Variants in VIPR2 observed in about 807,000 individuals in gnomAD.
The protein encoded by VIPR2 is vasoactive intestinal peptide receptor 2.
Under a neutral mutation model 58.0 loss-of-function variants are expected in VIPR2, and 48 were observed. That is an observed-to-expected ratio of 0.83 (90% CI 0.66 to 1.05). The LOEUF (loss-of-function observed/expected upper bound fraction) is 1.05. VIPR2 is among the 50% of genes least tolerant of loss of function. The probability of loss-of-function intolerance (pLI) is 0.00; values close to 1 mark genes in which losing one functional copy is unlikely to be tolerated. For missense variants in VIPR2, 534 were observed against 558.0 expected (o/e 0.96, Z 0.43); for synonymous variants, 243 against 235.2 (o/e 1.03, Z -0.30).
chr7:159,057,492 T>C (rs1855390290), intron 5 of VIPR2, among the ~76,000 whole-genome samples: 3 of 152,224 alleles, frequency 2.0e-5, no homozygotes. Context: ...CAACCACTCC[T>C]AACTTGTTTA....
intron 2 of VIPR2, among the ~76,000 whole-genome samples, chr7:159,122,650 C>T (rs1796498316): frequency 6.6e-6 from 1 of 152,206 alleles, no homozygotes; most frequent in Non-Finnish European, 1.5e-5. Flanking sequence ...GTCTTTGTGT[C>T]TTCTCTGGAA....
Position 159,128,085 on chromosome 7 carries a change from G to A in VIPR2, c.151+14361C>T, listed in dbSNP as rs1796721489. ...TGGGTCTCGGCAGGAATGGAGCCAG[G>A]TGAGGACACCTGGTAGTGGTCTCTC... On this transcript the variant is annotated intron_variant, in intron 2 of 12. Coordinates refer to ENST00000262178, the MANE Select transcript of VIPR2 (RefSeq NM_003382.5). This position sits in a 1 kb window ranked among gnomAD's most constrained non-coding sequence, Gnocchi z 4.1. Among the ~76,000 whole-genome samples the A allele has an allele frequency of 6.6e-6, 1 of 152,180 alleles. No individual in the cohort carries two copies. The highest frequency in any genetic ancestry group is 2.4e-5 in the African/African-American group (1 of 41,458).
intron 4 of VIPR2, among the ~76,000 whole-genome samples, chr7:159,088,331 C>A (rs115022047): frequency 0.012 from 1,892 of 152,210 alleles, 38 homozygotes; most frequent in African/African-American, 0.043. Context: ...ACACCACAAT[C>A]ATGCTGCAGC....
chr7:159,029,422 G>C lies in VIPR2; in HGVS notation c.*1194C>G, dbSNP rs1257703166. On this transcript the variant is annotated 3_prime_UTR_variant, in exon 13 of 13. Coordinates refer to ENST00000262178, the MANE Select transcript of VIPR2 (RefSeq NM_003382.5). Reference sequence around the variant, plus strand: ...CACATCTGCAAACCACCCTTCGCCTGAAGGAGCAGCCGCTAGGGCTGCTGA... The same window carrying C: ...CACATCTGCAAACCACCCTTCGCCTCAAGGAGCAGCCGCTAGGGCTGCTGA... 1.3e-5 allele frequency: 2 copies of C among 152,302 alleles called. No homozygotes were observed. The highest frequency in any genetic ancestry group is 4.8e-5 in the African/African-American group (2 of 41,476). The allele number at this position is 152,302 out of a possible 1,614,324, so 9.4% of individuals were successfully genotyped here.
intron 3 of VIPR2, 60 bp downstream of exon 3, chr7:159,109,752 A>T (rs1795916957): frequency 6.7e-7 from 1 of 1,503,230 alleles, no homozygotes; most frequent in Non-Finnish European, 9.3e-7. Flanking sequence ...GGATGGAAAA[A>T]ATGGACGCTC....
chr7:159,069,779 C>T (rs10447497), intron 4 of VIPR2, among the ~76,000 whole-genome samples: 26,347 of 151,836 alleles, frequency 0.17, 3,329 homozygotes, highest in African/African-American at 0.36. Context: ...TTTTAGAGTA[C>T]CTTGTTTCTG....
intron 5 of VIPR2, among the ~76,000 whole-genome samples, chr7:159,057,566 A>G (rs2129493971): frequency 6.6e-6 from 1 of 152,308 alleles, no homozygotes; most frequent in South Asian, 2.1e-4. Flanking sequence ...TATTCCATTT[A>G]TCATTGATTT....
chr7:159,058,628 AGAC>A, intron 4 of VIPR2, 50 bp from the exon 5 acceptor site: 1 of 1,342,472 alleles, frequency 7.4e-7, no homozygotes, highest in East Asian at 2.3e-5. Flanking sequence ...CAGCAACACC[AGAC>A]AACAGGAATG....
rs998971544 is a variant in VIPR2 at position 159,096,373 on chromosome 7, C to T, written c.357+7384G>A. On this transcript the variant is annotated intron_variant, in intron 4 of 12. Transcript: ENST00000262178. This position sits in a 1 kb window ranked among gnomAD's most constrained non-coding sequence, Gnocchi z 5.5. ...CAGCTCCATGCCCAGAAGCGCCTGG[C>T]GCACCGCTGTGTTTCCTACAGGTCC... is the stretch of plus-strand genomic sequence containing the variant. 3.9e-5 allele frequency among the ~76,000 whole-genome samples: 6 copies of T among 152,200 alleles called. No homozygotes were observed. The highest frequency in any genetic ancestry group is 2.0e-4 in the Admixed American group (3 of 15,284).
intron 4 of VIPR2, among the ~76,000 whole-genome samples, chr7:159,100,637 C>A (rs539514759): frequency 1.3e-5 from 2 of 152,384 alleles, no homozygotes; most frequent in East Asian, 3.9e-4. Flanking sequence ...CCCATAATTC[C>A]GACATGTGGG....
At chr7:159,125,911 C>A (rs1178655613) in intron 2 of VIPR2, among the ~76,000 whole-genome samples, 1 of 152,312 alleles carries the variant, frequency 6.6e-6, no homozygotes, top group East Asian at 1.9e-4. Flanking sequence ...CCTGCCTACC[C>A]CTTCAGGGAG....
intron 4 of VIPR2, among the ~76,000 whole-genome samples, chr7:159,070,973 C>T (rs1856358841): frequency 6.6e-6 from 1 of 152,216 alleles, no homozygotes; most frequent in African/African-American, 2.4e-5. Flanking sequence ...CGCCCACAGA[C>T]TGGCTGACTG....
At chr7:159,094,683 A>T (rs549036466) in intron 4 of VIPR2, among the ~76,000 whole-genome samples, 1 of 152,342 alleles carries the variant, frequency 6.6e-6, no homozygotes, top group South Asian at 2.1e-4. Context: ...TCCTGCGTGT[A>T]CACGGCTGTG....
intron 2 of VIPR2, among the ~76,000 whole-genome samples, chr7:159,111,830 G>C (rs989593562): frequency 6.6e-6 from 1 of 152,108 alleles, no homozygotes; most frequent in Admixed American, 6.5e-5. Flanking sequence ...GCAACATAGC[G>C]AGACCCCATC....
At chr7:159,120,269 C>T (rs1209488996) in intron 2 of VIPR2, among the ~76,000 whole-genome samples, 1 of 152,220 alleles carries the variant, frequency 6.6e-6, no homozygotes, top group South Asian at 2.1e-4. Flanking sequence ...TAAGGAGCAG[C>T]CTTCTACCAG....
In VIPR2 at chr7:159,128,647, C is replaced by T. The variant is rs1031197184; in HGVS notation, c.151+13799G>A. On this transcript the variant is annotated intron_variant, in intron 2 of 12. Coordinates refer to ENST00000262178, the MANE Select transcript of VIPR2 (RefSeq NM_003382.5). This position sits in a 1 kb window ranked among gnomAD's most constrained non-coding sequence, Gnocchi z 4.1. The stretch of plus-strand genomic sequence containing the variant: ...TGGGTCCTGCCCTTCCCACACTTAC[C>T]ACGAGGGCATCTCCATCTCCCACCT... Among the ~76,000 whole-genome samples, 1 of 152,200 alleles carries T rather than the reference C, an allele frequency of 6.6e-6. No individual in the cohort carries two copies. The highest frequency in any genetic ancestry group is 1.5e-5 in the Non-Finnish European group (1 of 68,036).
At chr7:159,032,249 T>C (rs920848800) in intron 10 of VIPR2, among the ~76,000 whole-genome samples, 182 bp from the exon 11 acceptor site, 3 of 152,228 alleles carry the variant, frequency 2.0e-5, no homozygotes, top group Admixed American at 6.5e-5. Context: ...CTGAGGCCCC[T>C]GTGCATATCT....
chr7:159,062,323 C>T (rs1855732057), intron 4 of VIPR2, among the ~76,000 whole-genome samples: 1 of 152,144 alleles, frequency 6.6e-6, no homozygotes, highest in African/African-American at 2.4e-5. Context: ...GGTTTTTGGT[C>T]TCACTGACTT....
rs546977986 is a variant in VIPR2, at chr7:159,031,748, G to T, written c.1143+80C>A. ...GCCCGCGGAAGACAGGCATGTGTGG[G>T]GGCTGCGGCACCAGGCTGGGCAGCA... On this transcript the variant is annotated intron_variant, in intron 12 of 12. Transcript: ENST00000262178. The surrounding 1 kb of genome is among the most constrained non-coding windows in gnomAD (Gnocchi z 4.0). 1 of 1,609,398 alleles carries T rather than the reference G, an allele frequency of 6.2e-7. No homozygotes were observed. Among genetic ancestry groups the T allele is most frequent in the South Asian group, 1.1e-5 (1 of 90,790 alleles).
Sources: gnomAD v4.1 joint callset for allele counts (sites outside exome capture counted in the v4.1 genomes callset) on GRCh38, gnomAD v4.1.1 for gene constraint, Gnocchi (gnomAD v3.1) non-coding constraint, MANE v1.5 for transcripts, NCBI Gene and HGNC (gene_info 2026-07-23, HGNC 2026-07-21) for gene names.